ZNF146: variants seen among roughly 807,000 people sequenced by gnomAD.
ZNF146 encodes zinc finger protein 146, also known as zinc finger protein OZF.
Under a neutral mutation model 22.2 loss-of-function variants are expected in ZNF146, and 9 were observed. That is an observed-to-expected ratio of 0.41 (90% CI 0.24 to 0.71). ZNF146 has a LOEUF of 0.71. ZNF146 is among the 30% of genes least tolerant of loss of function. The pLI is 0.34. For synonymous variants in ZNF146, 108 were observed against 119.2 expected, an observed-to-expected ratio of 0.91 and a Z score of 0.61; for missense variants, 194 against 344.8, an observed-to-expected ratio of 0.56 and a Z score of 3.46.
chr19:36,238,715 C>T lies in ZNF146; in HGVS notation c.*1396C>T, dbSNP rs1977737076. The T allele has an allele frequency of 6.0e-6, 1 of 166,976 alleles. No homozygotes were observed. The highest frequency in any genetic ancestry group is 2.4e-5 in the African/African-American group (1 of 41,396). 10.3% of individuals were successfully genotyped at this position (166,976 alleles called of 1,614,324 possible). On this transcript the variant is annotated 3_prime_UTR_variant, in exon 4 of 4. Transcript: ENST00000443387. ...TCACGGATGAATGGATGGACTTGCT[C>T]TCTATGTAATATGAAATTAATCTAT... is the stretch of plus-strand genomic sequence containing the variant.
At chr19:36,225,305 A>G (rs1173947107) in intron 2 of ZNF146, among the ~76,000 whole-genome samples, 1 of 152,230 alleles carries the variant, frequency 6.6e-6, no homozygotes, top group African/African-American at 2.4e-5. Flanking sequence ...TCCTTAAACA[A>G]AAAATCAAAT....
chr19:36,227,037 C>G (rs1977097433), intron 2 of ZNF146, among the ~76,000 whole-genome samples: 1 of 147,630 alleles, frequency 6.8e-6, no homozygotes, highest in Non-Finnish European at 1.5e-5. Flanking sequence ...GAGCCGAGAT[C>G]GCACCACTGC....
chr19:36,229,743 A>G (rs1977242386), intron 3 of ZNF146, among the ~76,000 whole-genome samples: 1 of 152,098 alleles, frequency 6.6e-6, no homozygotes, highest in Non-Finnish European at 1.5e-5. Flanking sequence ...TTTTTGAGAC[A>G]GAGTTTTGCT....
chr19:36,232,609 C>CT (rs548903056), intron 3 of ZNF146, among the ~76,000 whole-genome samples: 47,826 of 140,014 alleles, frequency 0.34, 8,571 homozygotes, highest in South Asian at 0.48. Context: ...TTTCTTTTTT[C>CT]TTTTTTTTTT....
At chr19:36,226,590 G>A (rs1369203247) in intron 2 of ZNF146, among the ~76,000 whole-genome samples, 5 of 151,596 alleles carry the variant, frequency 3.3e-5, no homozygotes, top group African/African-American at 1.2e-4. Context: ...TTTCCTGAAC[G>A]ATTTGAAACC....
At chr19:36,217,386 AAGG>A (rs1296118787) in intron 1 of ZNF146, among the ~76,000 whole-genome samples, 1 of 151,968 alleles carries the variant, frequency 6.6e-6, no homozygotes, top group African/African-American at 2.4e-5. Flanking sequence ...GAAAGAAAGA[AAGG>A]AGAGAGAGAG....
chr19:36,226,149 A>G (rs748331848), intron 2 of ZNF146, among the ~76,000 whole-genome samples: 1 of 152,110 alleles, frequency 6.6e-6, no homozygotes, highest in Non-Finnish European at 1.5e-5. Context: ...TTCTAGCCCT[A>G]TTCTGAGCTC....
Position 36,228,816 on chromosome 19 carries a change from G to A in ZNF146, c.-786G>A, listed in dbSNP as rs186371792. The A allele has an allele frequency of 2.6e-5, 4 of 152,408 alleles. No individual in the cohort carries two copies. Among genetic ancestry groups the A allele is most frequent in the Admixed American group, 6.5e-5 (1 of 15,302 alleles). The allele number at this position is 152,408 out of a possible 1,614,324, so 9.4% of individuals were successfully genotyped here. The stretch of plus-strand genomic sequence containing the variant: ...GGAGAAAGAAGTGGGAAGGATCTGC[G>A]CGGGTGAGTAAATGACAGGCAGGCC... On this transcript the variant is annotated 5_prime_UTR_variant, in exon 3 of 4. Transcript: ENST00000443387.
intron 3 of ZNF146, among the ~76,000 whole-genome samples, chr19:36,232,209 AAAAC>A (rs1171720839): frequency 6.6e-6 from 1 of 152,004 alleles, no homozygotes; most frequent in Non-Finnish European, 1.5e-5. Context: ...AAAAAAAAAA[AAAAC>A]ATACAAATTA....
intron 2 of ZNF146, among the ~76,000 whole-genome samples, chr19:36,220,630 C>T (rs10407835): frequency 0.26 from 39,337 of 151,722 alleles, 5,510 homozygotes; most frequent in African/African-American, 0.37. Flanking sequence ...CCTCCCAAAG[C>T]GCTGGGATTA....
At chr19:36,216,823 T>TG (rs1976627752) in intron 1 of ZNF146, among the ~76,000 whole-genome samples, 1 of 87,990 alleles carries the variant, frequency 1.1e-5, no homozygotes, top group African/African-American at 4.9e-5. Context: ...CCAACACATT[T>TG]TAAATATAAA....
chr19:36,222,043 C>T (rs1976870150), intron 2 of ZNF146, among the ~76,000 whole-genome samples: 1 of 150,248 alleles, frequency 6.7e-6, no homozygotes, highest in African/African-American at 2.4e-5. Context: ...GATCTTCCTG[C>T]CTCAGCCGCC....
In ZNF146 at chr19:36,238,711, T is replaced by TG. The variant is rs775263019; in HGVS notation, c.*1393dup. 3.9e-4 allele frequency: 65 copies of TG among 167,110 alleles called. No homozygotes were observed. The highest frequency in any genetic ancestry group is 8.2e-4 in the Non-Finnish European group (56 of 68,122). The allele number at this position is 167,110 out of a possible 1,614,324, so 10.4% of individuals were successfully genotyped here. A position where few individuals can be genotyped will look rare whatever the true frequency, so the allele number is the denominator to read the frequency against. On this transcript the variant is annotated 3_prime_UTR_variant, in exon 4 of 4. Transcript: ENST00000443387. ...TTTATCACGGATGAATGGATGGACT[T>TG]GCTCTCTATGTAATATGAAATTAAT...
chr19:36,236,346 GAT>G lies in ZNF146; in HGVS notation c.-94_-93del. 5 of 1,401,756 alleles carry G rather than the reference GAT, an allele frequency of 3.6e-6. No homozygotes were observed. The highest frequency in any genetic ancestry group is 4.8e-6 in the Non-Finnish European group (5 of 1,036,544). The allele number at this position is 1,401,756 out of a possible 1,614,324, so 86.8% of individuals were successfully genotyped here. A position where few individuals can be genotyped will look rare whatever the true frequency, so the allele number is the denominator to read the frequency against. ...ACAGAGAAGCCTTATAAATGTAAGA[GAT>G]GTGGAAATATCTTCAGCCAAAAGTA... On this transcript the variant is annotated 5_prime_UTR_variant, in exon 4 of 4. The change abolishes an upstream ATG in the 5' untranslated region. Coordinates refer to ENST00000443387, the MANE Select transcript of ZNF146 (RefSeq NM_007145.3).
At chr19:36,234,777 T>G (rs572967819) in intron 3 of ZNF146, among the ~76,000 whole-genome samples, 6 of 152,320 alleles carry the variant, frequency 3.9e-5, no homozygotes, top group South Asian at 2.1e-4. Flanking sequence ...GATTTCCGTA[T>G]AGCAGCTCAT....
In ZNF146 at chr19:36,236,827, A is replaced by G; in HGVS notation, c.387A>G (p.Val129=). ...CTCACACAGGAGAGAAGCCCTTTGT[A>G]TGTAAGGAGTGTGGAAAAACCTTCA... ...QRTHTGEKPF[V]CKECGKTFSG... is the part of the protein sequence containing the mutation. The change falls in exon 4 of 4, where the codon GTA becomes GTG. Residue 129 remains valine, a synonymous_variant. Coordinates refer to ENST00000443387, the MANE Select transcript of ZNF146 (RefSeq NM_007145.3). The G allele has an allele frequency of 1.2e-6, 2 of 1,614,160 alleles. No homozygotes were observed. Among genetic ancestry groups the G allele is most frequent in the Non-Finnish European group, 8.5e-7 (1 of 1,180,008 alleles).
intron 2 of ZNF146, among the ~76,000 whole-genome samples, chr19:36,220,658 G>T (rs771899436): frequency 2.6e-5 from 4 of 152,066 alleles, no homozygotes; most frequent in Non-Finnish European, 4.4e-5. Context: ...GAGCCACGGC[G>T]CCCGGCCTCC....
intron 3 of ZNF146, among the ~76,000 whole-genome samples, chr19:36,230,714 C>T (rs774260263): frequency 6.6e-6 from 1 of 152,164 alleles, no homozygotes; most frequent in Non-Finnish European, 1.5e-5. Flanking sequence ...ATAAGAGTAG[C>T]AGTGGTTAGG....
chr19:36,235,469 AT>A (rs1977612846), intron 3 of ZNF146, among the ~76,000 whole-genome samples, 189 bp from the exon 4 acceptor site: 1 of 152,176 alleles, frequency 6.6e-6, no homozygotes, highest in African/African-American at 2.4e-5. Flanking sequence ...AATATAGATT[AT>A]TTTCATATTG....
Sources: gnomAD v4.1 joint callset for allele counts (sites outside exome capture counted in the v4.1 genomes callset) on GRCh38, gnomAD v4.1.1 for gene constraint, MANE v1.5 for transcripts, NCBI Gene and HGNC (gene_info 2026-07-23, HGNC 2026-07-21) for gene names.